Variants in ESRRB observed in about 807,000 individuals in gnomAD.
ESRRB encodes the protein estrogen related receptor beta, also known as steroid hormone receptor ERR2.
ESRRB carries 16 observed loss-of-function variants against 46.0 expected under a neutral mutation model. That is an observed-to-expected ratio of 0.35 (90% CI 0.24 to 0.53). The LOEUF is 0.53. Ranked by LOEUF, ESRRB falls within the 20% of genes least tolerant of loss-of-function variation. The probability of loss-of-function intolerance (pLI) is 0.93; values close to 1 mark genes in which losing one functional copy is unlikely to be tolerated. For synonymous variants in ESRRB, 246 were observed against 259.6 expected (o/e 0.95, Z 0.50); for missense variants, 488 against 607.4 (o/e 0.80, Z 2.07).
intron 1 of ESRRB, among the ~76,000 whole-genome samples, chr14:76,414,683 A>AAAAAAAAAC (rs1183179704): frequency 2.9e-4 from 41 of 142,468 alleles, no homozygotes; most frequent in African/African-American, 1.1e-3. Context: ...AAAAAAAAAA[A>AAAAAAAAAC]AAAAAAAAAA....
rs554843540 is a variant in ESRRB at position 76,500,609 on chromosome 14, C to T, written c.*2151C>T. 3 of 1,432,048 alleles carry T rather than the reference C, an allele frequency of 2.1e-6. No individual in the cohort carries two copies. The Admixed American group carries it at 5.0e-5, about 24-fold the overall frequency. The allele number at this position is 1,432,048 out of a possible 1,614,324, so 88.7% of individuals were successfully genotyped here. On this transcript the variant is annotated 3_prime_UTR_variant, in exon 7 of 7. Coordinates refer to ENST00000644823, the MANE Select transcript of ESRRB (RefSeq NM_001379180.1). Reference sequence around the variant, plus strand: ...CCTTGCAGCGGGGCCGAGGTAGCACCCTGCTCTGTCACTTCCTGCTCAAGC... The same window carrying T: ...CCTTGCAGCGGGGCCGAGGTAGCACTCTGCTCTGTCACTTCCTGCTCAAGC...
Position 76,482,009 on chromosome 14 carries a change from C to G in ESRRB, c.578-7C>G, listed in dbSNP as rs762014159. 6.2e-7 allele frequency: 1 copy of G among 1,613,192 alleles called. No individual in the cohort carries two copies. The highest frequency in any genetic ancestry group is 1.1e-5 in the South Asian group (1 of 91,066). On this transcript the variant is annotated splice_region_variant and splice_polypyrimidine_tract_variant and intron_variant, in intron 3 of 6. Transcript: ENST00000644823. This position sits in a 1 kb window ranked among gnomAD's most constrained non-coding sequence, Gnocchi z 4.3. Reference sequence around the variant, plus strand: ...TGCTGAGATCTTTTCCCTTTCCTCCCCAATAGGTGTGCGCCTTGATCGAGT... The same window carrying G: ...TGCTGAGATCTTTTCCCTTTCCTCCGCAATAGGTGTGCGCCTTGATCGAGT...
intron 1 of ESRRB, among the ~76,000 whole-genome samples, chr14:76,311,457 A>C (rs897165115): frequency 6.6e-6 from 1 of 152,146 alleles, no homozygotes; most frequent in Non-Finnish European, 1.5e-5. Flanking sequence ...CACAGTCCCG[A>C]TGACCAGTTT....
upstream of ESRRB, among the ~76,000 whole-genome samples, chr14:76,374,444 A>G (rs913855013): frequency 6.6e-6 from 1 of 152,206 alleles, no homozygotes; most frequent in Non-Finnish European, 1.5e-5. Flanking sequence ...GGAGAGGAAC[A>G]GAGGGACCTG....
intron 3 of ESRRB, among the ~76,000 whole-genome samples, chr14:76,474,661 T>G (rs1324675765): frequency 3.3e-5 from 5 of 151,970 alleles, no homozygotes; most frequent in Admixed American, 1.3e-4. Context: ...GCCAACATGG[T>G]GAAACCCTAT....
intron 5 of ESRRB, among the ~76,000 whole-genome samples, chr14:76,484,159 G>A (rs556448795): frequency 2.0e-5 from 3 of 152,296 alleles, no homozygotes; most frequent in African/African-American, 7.2e-5. Flanking sequence ...TCTGGCCCAA[G>A]GCCCACAGTT....
chr14:76,399,557 T>C lies in ESRRB; in HGVS notation c.50+23106T>C, dbSNP rs532341528. 6.5e-4 allele frequency among the ~76,000 whole-genome samples: 99 copies of C among 152,304 alleles called. 2 individuals are homozygous for C. The highest frequency in any genetic ancestry group is 2.3e-3 in the African/African-American group (95 of 41,568). On this transcript the variant is annotated intron_variant, in intron 1 of 6. Coordinates refer to ENST00000644823, the MANE Select transcript of ESRRB (RefSeq NM_001379180.1). Reference sequence around the variant, plus strand: ...AGTCTCCTTCCATTCCGGGTGGATTTAATGTTTAATGCAGCCAAGGTCATT... The same window carrying C: ...AGTCTCCTTCCATTCCGGGTGGATTCAATGTTTAATGCAGCCAAGGTCATT...
At chr14:76,445,474 AAAAAAAAAAAAG>A (rs1888099350) in intron 2 of ESRRB, among the ~76,000 whole-genome samples, 1 of 139,976 alleles carries the variant, frequency 7.1e-6, no homozygotes, top group East Asian at 2.1e-4. Context: ...CTCAAAAAAA[AAAAAAAAAAAAG>A]AAAGAAAGAA....
chr14:76,484,660 C>T (rs929814402), intron 5 of ESRRB, among the ~76,000 whole-genome samples: 10 of 152,226 alleles, frequency 6.6e-5, no homozygotes, highest in Non-Finnish European at 1.2e-4. Flanking sequence ...GAGACCCTGT[C>T]TCCCCTGCAC....
intron 1 of ESRRB, among the ~76,000 whole-genome samples, chr14:76,431,936 C>T (rs185617181): frequency 2.4e-4 from 36 of 152,324 alleles, no homozygotes; most frequent in African/African-American, 7.2e-4. Flanking sequence ...CCATGGCCAC[C>T]TGTGAAATCT....
At chr14:76,471,202 C>T (rs1889361882) in intron 3 of ESRRB, among the ~76,000 whole-genome samples, 1 of 152,174 alleles carries the variant, frequency 6.6e-6, no homozygotes, top group Non-Finnish European at 1.5e-5. Flanking sequence ...ATTTCAGATT[C>T]TCCTACTTTT....
chr14:76,386,555 C>T (rs563154229), intron 1 of ESRRB, among the ~76,000 whole-genome samples: 10 of 148,516 alleles, frequency 6.7e-5, no homozygotes, highest in African/African-American at 2.5e-4. Flanking sequence ...CTCCCGGGTT[C>T]AAGCGATTCT....
intron 1 of ESRRB, among the ~76,000 whole-genome samples, chr14:76,412,062 T>G (rs1886467099): frequency 6.6e-6 from 1 of 152,210 alleles, no homozygotes; most frequent in African/African-American, 2.4e-5. Context: ...TGAATCTAAT[T>G]TCTGTAAAGT....
intron 1 of ESRRB, among the ~76,000 whole-genome samples, chr14:76,389,977 T>C (rs1285972609): frequency 6.6e-6 from 1 of 152,142 alleles, no homozygotes; most frequent in East Asian, 1.9e-4. Flanking sequence ...CACTGGTAGT[T>C]TGAGAACAGC....
chr14:76,443,439 C>A (rs1888002254), intron 2 of ESRRB, among the ~76,000 whole-genome samples: 2 of 152,190 alleles, frequency 1.3e-5, no homozygotes, highest in South Asian at 4.1e-4. Flanking sequence ...TGTCTCTTGC[C>A]TCAGCCAAGA....
intron 3 of ESRRB, among the ~76,000 whole-genome samples, chr14:76,473,044 G>C (rs1889434103): frequency 6.6e-6 from 1 of 152,188 alleles, no homozygotes; most frequent in South Asian, 2.1e-4. Flanking sequence ...AGGGCATTCT[G>C]AGGTTATATG....
intron 2 of ESRRB, among the ~76,000 whole-genome samples, chr14:76,458,345 C>T (rs1888699017): frequency 6.6e-6 from 1 of 152,052 alleles, no homozygotes; most frequent in African/African-American, 2.4e-5. Flanking sequence ...GCCAGCCTGG[C>T]TTTGCTGGCA....
chr14:76,332,793 TATATA>T (rs1242497067), intron 1 of ESRRB, among the ~76,000 whole-genome samples: 36 of 12,200 alleles, frequency 3.0e-3, no homozygotes, highest in African/African-American at 0.011. Flanking sequence ...TATATATAAA[TATATA>T]ATATATTTAT....
intron 3 of ESRRB, among the ~76,000 whole-genome samples, chr14:76,467,992 G>A (rs143050788): frequency 4.6e-5 from 7 of 152,120 alleles, no homozygotes; most frequent in South Asian, 2.1e-4. Context: ...AAGCTGGGCC[G>A]ACATCCATGC....
Sources: gnomAD v4.1 joint callset for allele counts (sites outside exome capture counted in the v4.1 genomes callset) on GRCh38, gnomAD v4.1.1 for gene constraint, Gnocchi (gnomAD v3.1) non-coding constraint, MANE v1.5 for transcripts, NCBI Gene and HGNC (gene_info 2026-07-23, HGNC 2026-07-21) for gene names.